The following ROR2 variants were observed in gnomAD, a reference collection of about 807,000 sequenced individuals.
ROR2 encodes the protein tyrosine-protein kinase transmembrane receptor ROR2.
In ROR2, 33 loss-of-function variants were observed where a neutral mutation model predicts 74.9. The observed-to-expected ratio is 0.44, with a 90% CI of 0.33 to 0.59. ROR2 has a LOEUF of 0.59. ROR2 is among the 20% of genes least tolerant of loss of function. The probability of loss-of-function intolerance (pLI) is 0.02; values close to 1 mark genes in which losing one functional copy is unlikely to be tolerated. For missense variants in ROR2, 1,216 were observed against 1,313.8 expected (o/e 0.93, Z 1.15); for synonymous variants, 586 against 558.7 (o/e 1.05, Z -0.69).
At chr9:91,840,265 G>A (rs1344757365) in intron 1 of ROR2, among the ~76,000 whole-genome samples, 1 of 152,178 alleles carries the variant, frequency 6.6e-6, no homozygotes, top group South Asian at 2.1e-4. Context: ...AACGGCCCGG[G>A]ATAACGTTAC....
intron 7 of ROR2, among the ~76,000 whole-genome samples, chr9:91,728,033 C>CT (rs2118657616): frequency 6.6e-6 from 1 of 152,236 alleles, no homozygotes; most frequent in East Asian, 1.9e-4. Context: ...CCGATTCATT[C>CT]TTTTTTACTA....
At chr9:91,746,259 T>C (rs1388747273) in intron 4 of ROR2, among the ~76,000 whole-genome samples, 1 of 152,020 alleles carries the variant, frequency 6.6e-6, no homozygotes, top group African/African-American at 2.4e-5. Flanking sequence ...GTATTTTTAG[T>C]AGAAAGAGGG....
At chr9:91,762,495 T>C (rs1037757486) in intron 2 of ROR2, among the ~76,000 whole-genome samples, 6 of 152,230 alleles carry the variant, frequency 3.9e-5, no homozygotes, top group Non-Finnish European at 4.4e-5. Context: ...AATGCTAAAA[T>C]GCTGCAAACA....
intron 1 of ROR2, among the ~76,000 whole-genome samples, chr9:91,913,983 T>A (rs929401880): frequency 6.6e-6 from 1 of 152,134 alleles, no homozygotes; most frequent in African/African-American, 2.4e-5. Flanking sequence ...ACTTTTTTAA[T>A]GTTAAAAAAG....
At chr9:91,782,521 T>C (rs2118965488) in intron 1 of ROR2, among the ~76,000 whole-genome samples, 1 of 143,380 alleles carries the variant, frequency 7.0e-6, no homozygotes, top group African/African-American at 2.6e-5. Context: ...TGGGCCACAC[T>C]GGAAGAAGAA....
At chr9:91,836,057 CAG>C (rs779003829) in intron 1 of ROR2, among the ~76,000 whole-genome samples, 1 of 152,198 alleles carries the variant, frequency 6.6e-6, no homozygotes, top group Non-Finnish European at 1.5e-5. Context: ...CGCTAAACAA[CAG>C]AGTTTGGTTT....
chr9:91,725,220 T>G, intron 8 of ROR2, 113 bp from the exon 9 acceptor site: 1 of 1,577,872 alleles, frequency 6.3e-7, no homozygotes, highest in South Asian at 1.1e-5. Context: ...AGGGGGGCCT[T>G]GCAGAAGACC....
chr9:91,869,989 G>A (rs1829750293), intron 1 of ROR2, among the ~76,000 whole-genome samples: 1 of 152,178 alleles, frequency 6.6e-6, no homozygotes, highest in Non-Finnish European at 1.5e-5. Flanking sequence ...CCCACCATCT[G>A]TTCCGAGAGC....
At chr9:91,800,447 G>C (rs569382498) in intron 1 of ROR2, among the ~76,000 whole-genome samples, 30 of 152,226 alleles carry the variant, frequency 2.0e-4, no homozygotes, top group African/African-American at 7.0e-4. Flanking sequence ...AGCCAACGAT[G>C]GGAACATGAC....
chr9:91,933,941 A>G (rs1831616001), intron 1 of ROR2, among the ~76,000 whole-genome samples: 1 of 152,236 alleles, frequency 6.6e-6, no homozygotes, highest in Non-Finnish European at 1.5e-5. Flanking sequence ...GTAACAATAA[A>G]AGTGGATTAA....
intron 1 of ROR2, among the ~76,000 whole-genome samples, chr9:91,949,343 C>A (rs1832105244): frequency 6.6e-6 from 1 of 151,882 alleles, no homozygotes; most frequent in African/African-American, 2.4e-5. Context: ...CGCCCCCACC[C>A]CCGCCGCAAG....
intron 1 of ROR2, among the ~76,000 whole-genome samples, chr9:91,909,360 A>G (rs1300053770): frequency 2.0e-5 from 3 of 152,044 alleles, no homozygotes; most frequent in Non-Finnish European, 4.4e-5. Flanking sequence ...TCAGGCTCCC[A>G]TGGTTTGGTT....
chr9:91,903,258 G>C (rs888916273), intron 1 of ROR2, among the ~76,000 whole-genome samples: 1 of 151,982 alleles, frequency 6.6e-6, no homozygotes, highest in African/African-American at 2.4e-5. Flanking sequence ...GACTGCAGTC[G>C]GCCCAGGAGG....
At chr9:91,902,995 G>A (rs1830713827) in intron 1 of ROR2, among the ~76,000 whole-genome samples, 1 of 152,152 alleles carries the variant, frequency 6.6e-6, no homozygotes, top group African/African-American at 2.4e-5. Flanking sequence ...CAGAGTTTCT[G>A]TCGGGGATGA....
At chr9:91,739,620 T>C (rs1825152182) in intron 4 of ROR2, among the ~76,000 whole-genome samples, 1 of 151,998 alleles carries the variant, frequency 6.6e-6, no homozygotes, top group African/African-American at 2.4e-5. Context: ...CTTGCAATAG[T>C]GAAGACCTTC....
At chr9:91,932,726 GAAT>G (rs1202530350) in intron 1 of ROR2, among the ~76,000 whole-genome samples, 1 of 152,082 alleles carries the variant, frequency 6.6e-6, no homozygotes, top group Non-Finnish European at 1.5e-5. Flanking sequence ...AGGCAACTGA[GAAT>G]AACTGCTAGA....
At position 91,726,738 on chromosome 9, in the gene ROR2, G is replaced by T; in HGVS notation, c.1189C>A (p.Arg397=). The part of the protein sequence containing the change: ...ELCDVPSCSP[R]DSSKMGILYI... ...AGAATCCCCATCTTGCTGCTGTCTCGGGGACCTGTGAACAATAAGGCTTTC... is the reference window on the plus strand; with the variant it reads ...AGAATCCCCATCTTGCTGCTGTCTCTGGGACCTGTGAACAATAAGGCTTTC... The change falls in exon 8 of 9, where the codon CGA becomes AGA. Residue 397 remains arginine, a synonymous_variant. Transcript: ENST00000375708. 1.2e-6 allele frequency: 2 copies of T among 1,613,872 alleles called. No individual in the cohort carries two copies. Among genetic ancestry groups the T allele is most frequent in the Non-Finnish European group, 1.7e-6 (2 of 1,179,948 alleles).
At chr9:91,819,378 T>G (rs1328306391) in intron 1 of ROR2, among the ~76,000 whole-genome samples, 1 of 152,216 alleles carries the variant, frequency 6.6e-6, no homozygotes, top group African/African-American at 2.4e-5. Context: ...TGTGTCTATG[T>G]CTGTGACGAT....
At chr9:91,861,388 T>C (rs1244658961) in intron 1 of ROR2, among the ~76,000 whole-genome samples, 1 of 152,214 alleles carries the variant, frequency 6.6e-6, no homozygotes, top group East Asian at 1.9e-4. Context: ...TGAAGTAGTA[T>C]GGTACTAGTA....
Sources: gnomAD v4.1 joint callset for allele counts (sites outside exome capture counted in the v4.1 genomes callset) on GRCh38, gnomAD v4.1.1 for gene constraint, MANE v1.5 for transcripts, NCBI Gene and HGNC (gene_info 2026-07-23, HGNC 2026-07-21) for gene names.